SORCS3: variants seen among roughly 807,000 people sequenced by gnomAD.
SORCS3 encodes sortilin related VPS10 domain containing receptor 3.
A neutral mutation model predicts 146.3 loss-of-function variants in SORCS3; 57 were observed. The observed-to-expected ratio is 0.39, with a 90% CI of 0.31 to 0.49. The LOEUF (loss-of-function observed/expected upper bound fraction) is 0.49. SORCS3 is among the 20% of genes least tolerant of loss of function. SORCS3 has a pLI of 0.92. For synonymous variants in SORCS3, 653 were observed against 618.5 expected (o/e 1.06, Z -0.83); for missense variants, 1,341 against 1,575.5 (o/e 0.85, Z 2.52).
chr10:105,142,712 T>C (rs992600481), intron 8 of SORCS3, among the ~76,000 whole-genome samples: 9 of 152,318 alleles, frequency 5.9e-5, no homozygotes, highest in Middle Eastern at 6.8e-3. Flanking sequence ...AGTTTTTTTT[T>C]ACTTTTTCCC....
Position 105,245,364 on chromosome 10 carries a change from T to C in SORCS3, c.2869-178T>C, listed in dbSNP as rs147226194. 3.0e-3 allele frequency among the ~76,000 whole-genome samples: 452 copies of C among 152,326 alleles called. 4 individuals carry two copies. The highest frequency in any genetic ancestry group is 0.01 in the African/African-American group (426 of 41,564). On this transcript the variant is annotated intron_variant, in intron 20 of 26. Transcript: ENST00000369701. ...AATAATTTATAATGTGTTTCAAGTA[T>C]ACTAATACTCTTCCTAGATACTGGA...
At chr10:104,665,843 T>C (rs1295029805) in intron 1 of SORCS3, 2 of 152,228 alleles carry the variant, frequency 1.3e-5, no homozygotes, top group African/African-American at 2.4e-5. Flanking sequence ...AATAGTCTTG[T>C]CTTTGGAGCA....
intron 5 of SORCS3, among the ~76,000 whole-genome samples, chr10:105,080,814 A>C (rs573979305): frequency 6.6e-6 from 1 of 152,342 alleles, no homozygotes; most frequent in South Asian, 2.1e-4. Flanking sequence ...AAAAACAGAC[A>C]TAGACCAATG....
chr10:105,216,804 G>C (rs1249202080), intron 18 of SORCS3, 132 bp from the exon 19 acceptor site: 3 of 785,014 alleles, frequency 3.8e-6, no homozygotes, highest in Non-Finnish European at 6.4e-6. Flanking sequence ...TGATCATTGT[G>C]TTGCAGGTGT....
intron 1 of SORCS3, among the ~76,000 whole-genome samples, chr10:104,730,808 A>C (rs568718943): frequency 1.3e-5 from 2 of 152,324 alleles, no homozygotes; most frequent in East Asian, 1.9e-4. Context: ...AAACCACCAG[A>C]TCTCTTGAGA....
In SORCS3 at chr10:105,210,011, A is replaced by T. The variant is rs949484215; in HGVS notation, c.2262-1126A>T. 3.9e-5 allele frequency among the ~76,000 whole-genome samples: 6 copies of T among 152,022 alleles called. No individual in the cohort carries two copies. The East Asian group carries it at 9.7e-4, about 24-fold the overall frequency. ...ATTATCACACCTTTTTAAGTTTTTT[A>T]TTATTATTATTATTTTACAGGGCAG... On this transcript the variant is annotated intron_variant, in intron 16 of 26. Coordinates refer to ENST00000369701, the MANE Select transcript of SORCS3 (RefSeq NM_014978.3).
At chr10:104,876,750 T>TTTCCTTC (rs1296770635) in intron 2 of SORCS3, among the ~76,000 whole-genome samples, 1 of 111,014 alleles carries the variant, frequency 9.0e-6, no homozygotes, top group Admixed American at 9.2e-5. Flanking sequence ...TTCCTTCCTT[T>TTTCCTTC]CTTTCTTTCT....
intron 20 of SORCS3, among the ~76,000 whole-genome samples, chr10:105,226,196 T>C (rs1307777649): frequency 6.6e-6 from 1 of 151,992 alleles, no homozygotes; most frequent in Non-Finnish European, 1.5e-5. Flanking sequence ...AACTATGGAT[T>C]TGTCATATAG....
chr10:105,092,030 C>T (rs1376233002), intron 6 of SORCS3, among the ~76,000 whole-genome samples: 2 of 152,200 alleles, frequency 1.3e-5, no homozygotes, highest in African/African-American at 4.8e-5. Context: ...TCTAACAGTA[C>T]ATTCTCAGGC....
At chr10:104,824,395 C>T (rs1589513364) in intron 1 of SORCS3, among the ~76,000 whole-genome samples, 1 of 152,192 alleles carries the variant, frequency 6.6e-6, no homozygotes, top group Non-Finnish European at 1.5e-5. Context: ...TCCCTTCTTG[C>T]ACTGAAAGTG....
At chr10:104,812,715 A>G (rs2017754246) in intron 1 of SORCS3, among the ~76,000 whole-genome samples, 1 of 152,168 alleles carries the variant, frequency 6.6e-6, no homozygotes, top group South Asian at 2.1e-4. Context: ...AGTGTGGGCT[A>G]TAAGCAGGGG....
intron 1 of SORCS3, among the ~76,000 whole-genome samples, chr10:104,752,432 C>T (rs2016999614): frequency 6.6e-6 from 1 of 152,110 alleles, no homozygotes; most frequent in Non-Finnish European, 1.5e-5. Flanking sequence ...CCACAGTTGG[C>T]AAACTTGGCA....
intron 4 of SORCS3, among the ~76,000 whole-genome samples, chr10:104,997,742 A>T (rs953655684): frequency 1.3e-5 from 2 of 152,170 alleles, no homozygotes; most frequent in African/African-American, 4.8e-5. Flanking sequence ...GCTCTGTAAC[A>T]TGGCTAATTT....
chr10:105,205,229 G>A (rs2056595670), intron 16 of SORCS3, among the ~76,000 whole-genome samples: 1 of 152,126 alleles, frequency 6.6e-6, no homozygotes, highest in Non-Finnish European at 1.5e-5. Context: ...TCACTTTGGT[G>A]GAAGAATTGA....
chr10:105,132,821 G>A (rs1261140762), intron 7 of SORCS3, among the ~76,000 whole-genome samples: 1 of 152,114 alleles, frequency 6.6e-6, no homozygotes, highest in Admixed American at 6.6e-5. Context: ...TTAGCATGAC[G>A]GATGGGCCCA....
chr10:104,687,110 C>A (rs779912575), intron 1 of SORCS3, among the ~76,000 whole-genome samples: 4 of 152,190 alleles, frequency 2.6e-5, no homozygotes, highest in Non-Finnish European at 5.9e-5. Flanking sequence ...TCTTTCCATC[C>A]ATTTATCCAC....
intron 20 of SORCS3, among the ~76,000 whole-genome samples, chr10:105,244,182 T>G (rs2056852481): frequency 6.6e-6 from 1 of 152,070 alleles, no homozygotes; most frequent in African/African-American, 2.4e-5. Context: ...AGATGCCCAG[T>G]GAATAATGAC....
chr10:105,255,075 C>G (rs2056922725), intron 23 of SORCS3, among the ~76,000 whole-genome samples: 1 of 150,690 alleles, frequency 6.6e-6, no homozygotes, highest in Admixed American at 6.7e-5. Context: ...GTAGTCCCAG[C>G]TACTCAGGAG....
chr10:105,222,405 G>A (rs1564788522), intron 19 of SORCS3, among the ~76,000 whole-genome samples: 1 of 151,982 alleles, frequency 6.6e-6, no homozygotes, highest in Non-Finnish European at 1.5e-5. Flanking sequence ...TTTTAGTTTG[G>A]AAAGTAAAAT....
Sources: allele counts gnomAD v4.1 joint callset (sites outside exome capture counted in the v4.1 genomes callset), GRCh38; gene constraint gnomAD v4.1.1; transcripts MANE v1.5; gene names NCBI Gene and HGNC (gene_info 2026-07-23, HGNC 2026-07-21).